Variants in ANK1 observed in about 807,000 individuals in gnomAD.
ANK1 encodes ankyrin 1.
A neutral mutation model predicts 210.4 loss-of-function variants in ANK1; 51 were observed. That is an observed-to-expected ratio of 0.24 (90% CI 0.19 to 0.31). ANK1 has a LOEUF of 0.31. Among genes scored for constraint, ANK1 ranks in the 10% least tolerant of loss-of-function variants. ANK1 has a pLI of 1.00. For synonymous variants in ANK1, 967 were observed against 1,025.9 expected, an observed-to-expected ratio of 0.94 and a Z score of 1.10; for missense variants, 2,051 against 2,504.4, an observed-to-expected ratio of 0.82 and a Z score of 3.86.
At chr8:41,667,071 G>C (rs1206008839) in intron 39 of ANK1, among the ~76,000 whole-genome samples, 1 of 152,242 alleles carries the variant, frequency 6.6e-6, no homozygotes, top group African/African-American at 2.4e-5. Flanking sequence ...AAGATCATGT[G>C]TGCTCTGGGA....
intron 1 of ANK1, among the ~76,000 whole-genome samples, chr8:41,772,247 C>G (rs1302199073): frequency 6.6e-6 from 1 of 152,182 alleles, no homozygotes; most frequent in Non-Finnish European, 1.5e-5. Flanking sequence ...AGTAGGTCTC[C>G]CACAATTGAG....
intron 1 of ANK1, among the ~76,000 whole-genome samples, chr8:41,863,865 G>T (rs1395230009): frequency 6.6e-6 from 1 of 152,170 alleles, no homozygotes; most frequent in African/African-American, 2.4e-5. Flanking sequence ...GGCTTACCAT[G>T]CTCTAAGGGC....
At chr8:41,714,277 A>G in intron 15 of ANK1, 23 bp from the exon 16 acceptor site, 1 of 1,533,034 alleles carries the variant, frequency 6.5e-7, no homozygotes, top group Non-Finnish European at 8.8e-7. Flanking sequence ...AAGACAAAAG[A>G]GGCCGGCTGT....
rs1586264754 is a variant in ANK1 at position 41,703,943 on chromosome 8, C to T, written c.2295+98G>A. The T allele has an allele frequency of 1.4e-5, 17 of 1,181,192 alleles. No individual in the cohort carries two copies. The East Asian group carries it at 3.5e-4, about 24-fold the overall frequency. 73.2% of individuals were successfully genotyped at this position (1,181,192 alleles called of 1,614,324 possible). On this transcript the variant is annotated intron_variant, in intron 20 of 42. Transcript: ENST00000289734. The stretch of plus-strand genomic sequence containing the variant: ...TAGGGTGCTGCGGCCCCGTCCAGGC[C>T]CTAGACACGTGCATTAACCTCTACG...
At chr8:41,807,645 C>T (rs1341477784) in intron 1 of ANK1, among the ~76,000 whole-genome samples, 3 of 152,000 alleles carry the variant, frequency 2.0e-5, no homozygotes, top group South Asian at 2.1e-4. Flanking sequence ...CTGATGAGGC[C>T]GGGCGGTATC....
chr8:41,690,554 C>T lies in ANK1; in HGVS notation c.3904G>A (p.Val1302Met), dbSNP rs780572578. Residue 1302 changes from valine to methionine, a missense_variant, in exon 32 of 43, where the codon GTG becomes ATG. Transcript: ENST00000289734. ...TGCTGGGCAGCTTTCTTCACAGGCA[C>T]CAGGTTCCCAGAGAGTTCTGCAAAC... ...SLFAELSGNL[V>M]PVKKAAQQRS... 2 of 1,613,912 alleles carry T rather than the reference C, an allele frequency of 1.2e-6. No homozygotes were observed. The highest frequency in any genetic ancestry group is 1.7e-6 in the Non-Finnish European group (2 of 1,179,890).
chr8:41,819,994 CT>C (rs1195122214), intron 1 of ANK1, among the ~76,000 whole-genome samples: 2 of 152,210 alleles, frequency 1.3e-5, no homozygotes, highest in Non-Finnish European at 2.9e-5. Context: ...TGATCCCGCC[CT>C]GGGAGTCTCC....
intron 9 of ANK1, among the ~76,000 whole-genome samples, chr8:41,721,542 A>G (rs1829257185): frequency 6.6e-6 from 1 of 151,924 alleles, no homozygotes; most frequent in Non-Finnish European, 1.5e-5. Context: ...CTGCAATCCC[A>G]GCTACTCGGG....
chr8:41,895,623 C>A (rs575101360), intron 1 of ANK1, among the ~76,000 whole-genome samples: 9 of 152,242 alleles, frequency 5.9e-5, no homozygotes, highest in Non-Finnish European at 8.8e-5. Flanking sequence ...TCTGACCAGG[C>A]CTTTGGGCCA....
intron 1 of ANK1, among the ~76,000 whole-genome samples, chr8:41,842,941 G>A (rs1809267586): frequency 6.6e-6 from 1 of 152,126 alleles, no homozygotes; most frequent in Non-Finnish European, 1.5e-5. Context: ...CAGCCTCCCA[G>A]GTTCAAGCGA....
intron 1 of ANK1, among the ~76,000 whole-genome samples, chr8:41,796,563 A>T (rs1320903737): frequency 6.6e-6 from 1 of 151,010 alleles, no homozygotes; most frequent in African/African-American, 2.4e-5. Context: ...AAAAAAAAAA[A>T]TCAACCAGGA....
intron 12 of ANK1, 149 bp downstream of exon 12, chr8:41,717,455 A>G (rs1828006744): frequency 1.3e-6 from 1 of 799,648 alleles, no homozygotes; most frequent in Admixed American, 2.0e-5. Context: ...AAGCGTCAGT[A>G]CACAGGGATG....
chr8:41,831,117 C>T (rs910450455), intron 1 of ANK1, among the ~76,000 whole-genome samples: 3 of 152,142 alleles, frequency 2.0e-5, no homozygotes, highest in African/African-American at 7.2e-5. Flanking sequence ...GACGAGGCTC[C>T]GCCTGGACCT....
chr8:41,692,741 G>T lies in ANK1; in HGVS notation c.3765C>A (p.Arg1255=). The T allele has an allele frequency of 2.5e-6, 4 of 1,614,114 alleles. No individual in the cohort carries two copies. Among genetic ancestry groups the T allele is most frequent in the Non-Finnish European group, 3.4e-6 (4 of 1,180,018 alleles). ...CATCTGTCATGCAGTAGCAGCGCAG[G>T]CGCCCCTCTCGGGGGTCATTCATCT... The part of the protein sequence containing the change: ...FAKMNDPREG[R]LRCYCMTDDK... Residue 1255 remains arginine (R), a synonymous_variant, in exon 31 of 43, where the codon CGC becomes CGA. Transcript: ENST00000289734.
chr8:41,781,564 G>A (rs1302093124), intron 1 of ANK1, among the ~76,000 whole-genome samples: 1 of 152,194 alleles, frequency 6.6e-6, no homozygotes, highest in Non-Finnish European at 1.5e-5. Context: ...CTTCTGCAGA[G>A]GAATAAGCAT....
rs745931592 is a variant in ANK1, at chr8:41,661,712, G to A, written c.5545-148C>T. 2.5e-5 allele frequency: 40 copies of A among 1,597,698 alleles called. No homozygotes were observed. The Middle Eastern group carries it at 3.1e-3, about 126-fold the overall frequency. ...CTGGAGAGAGAGCTCATAAAGAGGT[G>A]AGTGGAGGGAGGTGTCATGCAGACG... On this transcript the variant is annotated intron_variant, in intron 41 of 42. Transcript: ENST00000289734.
At chr8:41,723,493 C>T (rs766949604) in intron 8 of ANK1, 42 bp downstream of exon 8, 8 of 1,588,918 alleles carry the variant, frequency 5.0e-6, no homozygotes, top group South Asian at 1.1e-5. Context: ...TGAGGGGGGA[C>T]CTCCCTCCCC....
rs571257457 is a variant in ANK1, at chr8:41,689,217, G to A, written c.4105-628C>T. 2.4e-4 allele frequency among the ~76,000 whole-genome samples: 36 copies of A among 152,068 alleles called. No individual in the cohort carries two copies. In the East Asian group the frequency reaches 4.6e-3, roughly 20 times the overall value. ...GGCTCCACTGCAGCCTCAAACTCCC[G>A]GCCTCAAGTGATCCTTCTGCCTCAG... On this transcript the variant is annotated intron_variant, in intron 33 of 42. Transcript: ENST00000289734.
rs1371814105 is a variant in ANK1 at position 41,714,240 on chromosome 8, G to A, written c.1716C>T (p.Pro572=). The change falls in exon 16 of 43, where the codon CCC becomes CCT. Residue 572 remains proline (P), a synonymous_variant. Transcript: ENST00000289734. ...PNAAGKNGLT[P]LHVAVHHNNL... ...TGTTGTGATGGACGGCCACGTGCAG[G>A]GGGGTCAGGCCATTCTGCAGGGGAC... 4.8e-5 allele frequency: 73 copies of A among 1,536,510 alleles called. No individual in the cohort carries two copies. Among genetic ancestry groups the A allele is most frequent in the Admixed American group, 4.0e-4 (22 of 54,606 alleles).
Sources: allele counts gnomAD v4.1 joint callset (sites outside exome capture counted in the v4.1 genomes callset), GRCh38; gene constraint gnomAD v4.1.1; transcripts MANE v1.5; gene names NCBI Gene and HGNC (gene_info 2026-07-23, HGNC 2026-07-21).